WDPCP: variants seen among roughly 807,000 people sequenced by gnomAD.
The protein encoded by WDPCP is WD repeat containing planar cell polarity effector.
A neutral mutation model predicts 93.1 loss-of-function variants in WDPCP; 71 were observed. That is an observed-to-expected ratio of 0.76 (90% CI 0.63 to 0.93). WDPCP has a LOEUF of 0.93. Among genes scored for constraint, WDPCP ranks in the 40% least tolerant of loss-of-function variants. The probability of loss-of-function intolerance (pLI) is 0.00; values close to 1 mark genes in which losing one functional copy is unlikely to be tolerated. For missense variants in WDPCP, 844 were observed against 887.4 expected, an observed-to-expected ratio of 0.95 and a Z score of 0.62; for synonymous variants, 315 against 315.0, an observed-to-expected ratio of 1.00 and a Z score of 0.00.
intron 12 of WDPCP, among the ~76,000 whole-genome samples, chr2:63,320,022 AC>A (rs918958860): frequency 4.6e-5 from 7 of 152,182 alleles, no homozygotes; most frequent in African/African-American, 1.7e-4. Flanking sequence ...AAATGCTAAT[AC>A]TATAAAAAAA....
chr2:63,270,644 G>A (rs1294588987), intron 13 of WDPCP, among the ~76,000 whole-genome samples: 3 of 152,112 alleles, frequency 2.0e-5, no homozygotes, highest in Non-Finnish European at 2.9e-5. Context: ...GACACAGAAG[G>A]AGAGGGAAGA....
intron 2 of WDPCP, among the ~76,000 whole-genome samples, chr2:63,748,870 T>C (rs1669836918): frequency 6.6e-6 from 1 of 152,092 alleles, no homozygotes; most frequent in South Asian, 2.1e-4. Flanking sequence ...GATGGTGGGA[T>C]ACTATAGATT....
intron 2 of WDPCP, among the ~76,000 whole-genome samples, chr2:63,658,375 GT>G (rs1297079516): frequency 6.6e-6 from 1 of 152,218 alleles, no homozygotes; most frequent in East Asian, 1.9e-4. Context: ...TTATGGGGAT[GT>G]GTCAGCTGTT....
chr2:63,125,069 A>G (rs1669803338), intron 17 of WDPCP, among the ~76,000 whole-genome samples: 1 of 152,194 alleles, frequency 6.6e-6, no homozygotes, highest in African/African-American at 2.4e-5. Flanking sequence ...ACTACTGAAC[A>G]TTGTGAAATT....
chr2:63,323,865 G>A (rs1687316174), intron 12 of WDPCP, among the ~76,000 whole-genome samples: 1 of 152,150 alleles, frequency 6.6e-6, no homozygotes, highest in Non-Finnish European at 1.5e-5. Context: ...GCGTCAGGGA[G>A]CACAACTATT....
At chr2:63,634,195 A>G (rs1215393584) in intron 3 of WDPCP, among the ~76,000 whole-genome samples, 1 of 152,240 alleles carries the variant, frequency 6.6e-6, no homozygotes, top group Non-Finnish European at 1.5e-5. Context: ...ATAGGCTGAA[A>G]AAGTGAAGGA....
chr2:63,600,637 CTTCT>C (rs560528105), intron 3 of WDPCP, among the ~76,000 whole-genome samples: 296 of 152,292 alleles, frequency 1.9e-3, no homozygotes, highest in Non-Finnish European at 3.6e-3. Context: ...TAGTTGATTT[CTTCT>C]TTCTAAGAAG....
intron 12 of WDPCP, among the ~76,000 whole-genome samples, chr2:63,333,217 T>C (rs753583370): frequency 6.6e-6 from 1 of 152,208 alleles, no homozygotes; most frequent in Non-Finnish European, 1.5e-5. Flanking sequence ...TCTCATCAGA[T>C]GGGTTTTATT....
rs1055353626 is a variant in WDPCP at position 63,728,163 on chromosome 2, A to G, written n.309-77325T>C. 2.6e-5 allele frequency among the ~76,000 whole-genome samples: 4 copies of G among 152,248 alleles called. No homozygotes were observed. In the East Asian group the frequency reaches 7.7e-4, roughly 29 times the overall value. On this transcript the variant is annotated intron_variant and non_coding_transcript_variant, in intron 2 of 4. Coordinates refer to the WDPCP transcript ENST00000467687. ...TAGCATAATAAGGCAATTAAAAGAAAAAAGAAGTTAGAGGAAGATTGTTTA... is the reference window on the plus strand; with the variant it reads ...TAGCATAATAAGGCAATTAAAAGAAGAAAGAAGTTAGAGGAAGATTGTTTA...
chr2:63,418,755 A>C (rs1196042938), intron 9 of WDPCP, among the ~76,000 whole-genome samples: 2 of 152,218 alleles, frequency 1.3e-5, no homozygotes, highest in Non-Finnish European at 2.9e-5. Flanking sequence ...GAAGAAGAAA[A>C]AACTTTTATG....
rs77105311 is a variant in WDPCP, at chr2:63,502,835, T to C, written c.76-9895A>G. Among the ~76,000 whole-genome samples, 779 of 151,900 alleles carry C rather than the reference T, an allele frequency of 5.1e-3. 4 individuals carry two copies. Among genetic ancestry groups the C allele is most frequent in the Non-Finnish European group, 9.4e-3 (639 of 67,968 alleles). On this transcript the variant is annotated intron_variant, in intron 1 of 17. Transcript: ENST00000272321. ...AGCTCTTTAAACTCAATTAAGCTAG[T>C]GCTGTGCAAAGTGCCAAAGAGATTT...
chr2:63,485,010 C>T (rs1353238162), intron 4 of WDPCP, 23 bp from the exon 5 acceptor site: 2 of 1,611,678 alleles, frequency 1.2e-6, no homozygotes, highest in African/African-American at 2.7e-5. Flanking sequence ...ACATGTACTA[C>T]AGTTAGTTAA....
At chr2:63,729,841 G>C (rs963228619) in intron 2 of WDPCP, among the ~76,000 whole-genome samples, 4 of 152,106 alleles carry the variant, frequency 2.6e-5, no homozygotes, top group African/African-American at 9.7e-5. Context: ...ATCACAAAGA[G>C]GAATTAGGTT....
At chr2:63,822,750 G>C (rs1671041748) in intron 1 of WDPCP, among the ~76,000 whole-genome samples, 1 of 152,014 alleles carries the variant, frequency 6.6e-6, no homozygotes. Context: ...GCTGGGTGTG[G>C]TGGCACGCAG....
rs115432214 is a variant in WDPCP, at chr2:63,715,860, C to T, written n.309-65022G>A. 5.7e-3 allele frequency among the ~76,000 whole-genome samples: 861 copies of T among 152,162 alleles called. 8 individuals are homozygous for T. Among genetic ancestry groups the T allele is most frequent in the Non-Finnish European group, 5.1e-3 (344 of 68,008 alleles). On this transcript the variant is annotated intron_variant and non_coding_transcript_variant, in intron 2 of 4. Transcript: ENST00000467687. ...AATACTTAAGGTTTTGGGACCTAGA[C>T]CCAGTGAGGGCTAGGGAAATACAGG... is the stretch of plus-strand genomic sequence containing the variant.
intron 12 of WDPCP, among the ~76,000 whole-genome samples, chr2:63,338,560 AAAAAAAAAAATATATATATATATATATAT>A (rs1688580806): frequency 8.2e-5 from 5 of 60,828 alleles, no homozygotes; most frequent in Admixed American, 4.1e-4. Flanking sequence ...CTAAAAAAAA[AAAAAAAAAAATATATATATATATATATAT>A]ATATATATAT....
chr2:63,186,738 G>C (rs933710983), intron 14 of WDPCP, among the ~76,000 whole-genome samples: 2 of 151,832 alleles, frequency 1.3e-5, no homozygotes, highest in Non-Finnish European at 2.9e-5. Flanking sequence ...TTATTTTCCA[G>C]GATTTGAATT....
intron 10 of WDPCP, among the ~76,000 whole-genome samples, chr2:63,403,055 A>G (rs1694271349): frequency 6.6e-6 from 1 of 152,192 alleles, no homozygotes. Flanking sequence ...CAGACTGGAT[A>G]AAGAAAATGT....
At chr2:63,243,910 T>TGG (rs1680062802) in intron 14 of WDPCP, among the ~76,000 whole-genome samples, 1 of 152,168 alleles carries the variant, frequency 6.6e-6, no homozygotes, top group East Asian at 1.9e-4. Context: ...AACCACAGAA[T>TGG]ATACATTCTT....
Sources: allele counts gnomAD v4.1 joint callset (sites outside exome capture counted in the v4.1 genomes callset), GRCh38; gene constraint gnomAD v4.1.1; transcripts MANE v1.5; gene names NCBI Gene and HGNC (gene_info 2026-07-23, HGNC 2026-07-21).